Variants in NELL2 observed in about 807,000 individuals in gnomAD.
NELL2 encodes protein kinase C-binding protein NELL2.
NELL2 carries 41 observed loss-of-function variants against 109.6 expected under a neutral mutation model. The ratio of observed to expected loss-of-function variants is 0.37; its 90% CI spans 0.29 to 0.49. NELL2 has a LOEUF of 0.49. Ranked by LOEUF, NELL2 falls within the 20% of genes least tolerant of loss-of-function variation. The pLI, the probability that NELL2 is intolerant of heterozygous loss-of-function variation, is 0.98. For missense variants in NELL2, 900 were observed against 1,008.3 expected, an observed-to-expected ratio of 0.89 and a Z score of 1.45; for synonymous variants, 355 against 344.7, an observed-to-expected ratio of 1.03 and a Z score of -0.33.
At chr12:44,810,014 G>T (rs1943122683) in intron 3 of NELL2, among the ~76,000 whole-genome samples, 1 of 152,018 alleles carries the variant, frequency 6.6e-6, no homozygotes, top group South Asian at 2.1e-4. Context: ...AATTCCTCAT[G>T]CTAGAGTTAA....
intron 12 of NELL2, among the ~76,000 whole-genome samples, chr12:44,682,421 A>C (rs1029209442): frequency 2.6e-5 from 4 of 151,802 alleles, no homozygotes; most frequent in African/African-American, 9.7e-5. Flanking sequence ...TCTTTAGTTG[A>C]ATTAGATCCC....
chr12:44,816,870 T>C (rs1168327261), intron 2 of NELL2, among the ~76,000 whole-genome samples: 1 of 152,146 alleles, frequency 6.6e-6, no homozygotes, highest in Admixed American at 6.6e-5. Flanking sequence ...AGGACCCAGA[T>C]TATATGGGGA....
chr12:44,773,893 C>A (rs1444406674), intron 9 of NELL2, among the ~76,000 whole-genome samples: 1 of 72,814 alleles, frequency 1.4e-5, no homozygotes, highest in Non-Finnish European at 3.1e-5. Context: ...TAGCACATTG[C>A]TACTGTCTTT....
Position 44,850,185 on chromosome 12 carries a change from G to A in NELL2, c.184+25040C>T, listed in dbSNP as rs1944491725. Among the ~76,000 whole-genome samples, 5 of 152,268 alleles carry A rather than the reference G, an allele frequency of 3.3e-5. 1 individual carries two copies. In the South Asian group the frequency reaches 8.3e-4, roughly 25 times the overall value. On this transcript the variant is annotated intron_variant, in intron 2 of 19. Coordinates refer to ENST00000429094, the MANE Select transcript of NELL2 (RefSeq NM_001145108.2). Reference sequence around the variant, plus strand: ...CAGAGTAGACAGGTATAACTTCATAGGGATAGTGATAATTTTGAGGGACAT... The same window carrying A: ...CAGAGTAGACAGGTATAACTTCATAAGGATAGTGATAATTTTGAGGGACAT...
intron 16 of NELL2, 43 bp downstream of exon 16, chr12:44,532,538 T>G (rs1565883026): frequency 1.9e-6 from 3 of 1,589,074 alleles, no homozygotes; most frequent in Non-Finnish European, 2.6e-6. Context: ...TTCCTCAAGT[T>G]CAAGAGAAGT....
At chr12:44,528,678 A>G (rs1941911202) in intron 16 of NELL2, among the ~76,000 whole-genome samples, 1 of 152,232 alleles carries the variant, frequency 6.6e-6, no homozygotes, top group South Asian at 2.1e-4. Context: ...TTACATTCTA[A>G]AGCAGATAAT....
At chr12:44,906,859 G>T (rs1474289791) in intron 1 of NELL2, among the ~76,000 whole-genome samples, 1 of 152,036 alleles carries the variant, frequency 6.6e-6, no homozygotes, top group Non-Finnish European at 1.5e-5. Flanking sequence ...TATGTATCTG[G>T]GACTCATAAG....
At chr12:44,863,190 T>A (rs894695456) in intron 2 of NELL2, among the ~76,000 whole-genome samples, 1 of 152,062 alleles carries the variant, frequency 6.6e-6, no homozygotes. Context: ...TGAGAACATG[T>A]GGTGTTTGGT....
intron 13 of NELL2, among the ~76,000 whole-genome samples, chr12:44,622,703 T>C (rs1946103065): frequency 6.6e-6 from 1 of 152,270 alleles, no homozygotes; most frequent in Middle Eastern, 3.4e-3. Context: ...TGACCTTTAA[T>C]CTTCCAACTT....
At chr12:44,687,759 C>T (rs563601449) in intron 12 of NELL2, among the ~76,000 whole-genome samples, 7 of 152,282 alleles carry the variant, frequency 4.6e-5, no homozygotes, top group African/African-American at 1.7e-4. Context: ...TCTATGCATA[C>T]CTGACCTTAA....
intron 17 of NELL2, chr12:44,522,644 T>C (rs1403509077): frequency 6.5e-6 from 1 of 153,000 alleles, no homozygotes; most frequent in East Asian, 1.9e-4. Context: ...ATTTCTTTTA[T>C]GACAGTTGGG....
At chr12:44,728,382 T>G (rs1351986760) in intron 9 of NELL2, among the ~76,000 whole-genome samples, 1 of 152,074 alleles carries the variant, frequency 6.6e-6, no homozygotes, top group Non-Finnish European at 1.5e-5. Context: ...GTAGATTTGA[T>G]TAAGCAGAAG....
intron 12 of NELL2, among the ~76,000 whole-genome samples, chr12:44,688,086 A>G (rs1433738387): frequency 2.0e-5 from 3 of 152,214 alleles, no homozygotes; most frequent in South Asian, 2.1e-4. Context: ...GAATCCCCAT[A>G]GTAAAATTTA....
At chr12:44,862,519 A>C (rs777619806) in intron 2 of NELL2, among the ~76,000 whole-genome samples, 2 of 152,214 alleles carry the variant, frequency 1.3e-5, no homozygotes, top group Non-Finnish European at 2.9e-5. Flanking sequence ...TTCTGATGTT[A>C]GTTCTGTTAA....
chr12:44,566,558 CACACACACA>C, intron 15 of NELL2, among the ~76,000 whole-genome samples: 2 of 149,048 alleles, frequency 1.3e-5, no homozygotes, highest in East Asian at 3.9e-4. Context: ...CACACACACA[CACACACACA>C]GAGTTTTATG....
chr12:44,825,949 G>A (rs546344932), intron 2 of NELL2, among the ~76,000 whole-genome samples: 1 of 151,998 alleles, frequency 6.6e-6, no homozygotes, highest in South Asian at 2.1e-4. Flanking sequence ...GGCTGAAGCA[G>A]GAGAATTGCT....
chr12:44,580,039 CGT>C (rs1334033301), intron 15 of NELL2, among the ~76,000 whole-genome samples: 2 of 152,112 alleles, frequency 1.3e-5, no homozygotes, highest in East Asian at 1.9e-4. Flanking sequence ...GCAAAAAATA[CGT>C]GTTTCAGAAT....
chr12:44,652,802 C>G (rs1010487180), intron 13 of NELL2, among the ~76,000 whole-genome samples: 1 of 152,200 alleles, frequency 6.6e-6, no homozygotes, highest in Admixed American at 6.5e-5. Context: ...TGTCCACAGG[C>G]CTGCGTTTCT....
At chr12:44,667,020 C>T (rs1469250659) in intron 12 of NELL2, among the ~76,000 whole-genome samples, 1 of 152,204 alleles carries the variant, frequency 6.6e-6, no homozygotes. Flanking sequence ...AAATGTCCCT[C>T]CTACAAAAAC....
Sources: allele counts gnomAD v4.1 joint callset (sites outside exome capture counted in the v4.1 genomes callset), GRCh38; gene constraint gnomAD v4.1.1; transcripts MANE v1.5; gene names NCBI Gene and HGNC (gene_info 2026-07-23, HGNC 2026-07-21).